The following TUSC3 variants were observed in gnomAD, a reference collection of about 807,000 sequenced individuals.
The protein encoded by TUSC3 is tumor suppressor candidate 3, also known as dolichyl-diphosphooligosaccharide--protein glycosyltransferase subunit TUSC3.
Under a neutral mutation model 44.8 loss-of-function variants are expected in TUSC3, and 45 were observed. The ratio of observed to expected loss-of-function variants is 1.00; its 90% CI spans 0.79 to 1.29. The LOEUF is 1.29. Among genes scored for constraint, TUSC3 ranks in the 50% most tolerant of loss-of-function variants. The pLI, the probability that TUSC3 is intolerant of heterozygous loss-of-function variation, is 0.00. For synonymous variants in TUSC3, 212 were observed against 152.9 expected (o/e 1.39, Z -2.85); for missense variants, 519 against 437.9 (o/e 1.19, Z -1.65).
At chr8:15,504,601 ATATATATATATATATATATATTT>A (rs1476880657) in intron 2 of TUSC3, among the ~76,000 whole-genome samples, 8 of 39,114 alleles carry the variant, frequency 2.0e-4, no homozygotes, top group African/African-American at 1.0e-3. Context: ...ATATATATAT[ATATATATATATATATATATATTT>A]TTTTTTTTTT....
At chr8:15,790,865 G>C in the TUSC3 span, among the ~76,000 whole-genome samples, 79,131 of 151,922 alleles carry the variant, frequency 0.52, 21,084 homozygotes, top group Admixed American at 0.64. Flanking sequence ...AACAACTGTG[G>C]GGTTCGTATC....
intron 2 of TUSC3, among the ~76,000 whole-genome samples, chr8:15,529,472 G>T (rs59762019): frequency 0.049 from 7,443 of 152,144 alleles, 273 homozygotes; most frequent in African/African-American, 0.1. Flanking sequence ...AAATTTCACT[G>T]AAGATACAGT....
rs1004319547 is a variant in TUSC3 at position 15,743,711 on chromosome 8, T to C, written c.937+99T>C. The C allele has an allele frequency of 5.5e-6, 7 of 1,269,466 alleles. No homozygotes were observed. The African/African-American group carries it at 8.9e-5, about 16-fold the overall frequency. 78.6% of individuals were successfully genotyped at this position (1,269,466 alleles called of 1,614,324 possible). On this transcript the variant is annotated intron_variant, in intron 8 of 10. Transcript: ENST00000503731. ...TAAAAGCCCTTTGTAAACAAACTTC[T>C]AAAGAAATGTTCTGGTTTGAAGAAG...
At position 15,764,865 on chromosome 8, in the gene TUSC3, T is replaced by C. The variant is rs1445821120; in HGVS notation, c.*709T>C. On this transcript the variant is annotated 3_prime_UTR_variant, in exon 11 of 11. Transcript: ENST00000503731. ...GCAACATACCACAACTAGGAGTTAT[T>C]TCTCAAACTTAAATGTCCTCTGGGA... 6.6e-6 allele frequency: 1 copy of C among 152,028 alleles called. No individual in the cohort carries two copies. Among genetic ancestry groups the C allele is most frequent in the Non-Finnish European group, 1.5e-5 (1 of 67,970 alleles). The allele number at this position is 152,028 out of a possible 1,614,324, so 9.4% of individuals were successfully genotyped here.
the TUSC3 span, among the ~76,000 whole-genome samples, chr8:15,785,150 A>G: frequency 1.3e-5 from 2 of 152,260 alleles, no homozygotes; most frequent in South Asian, 2.1e-4. Flanking sequence ...TGATGGGTAC[A>G]CTAAAATCTC....
chr8:15,551,753 G>C (rs565090889), intron 1 of TUSC3, among the ~76,000 whole-genome samples: 3 of 151,876 alleles, frequency 2.0e-5, no homozygotes, highest in Non-Finnish European at 4.4e-5. Flanking sequence ...ATAAGGGTAA[G>C]AAACAAAATA....
At chr8:15,482,493 G>C (rs1330903182) in intron 1 of TUSC3, among the ~76,000 whole-genome samples, 1 of 152,164 alleles carries the variant, frequency 6.6e-6, no homozygotes, top group Admixed American at 6.5e-5. Context: ...GGTCACTGTT[G>C]AGACCTGCTG....
At chr8:15,591,903 G>A (rs140357932) in intron 1 of TUSC3, among the ~76,000 whole-genome samples, 50 of 152,280 alleles carry the variant, frequency 3.3e-4, no homozygotes, top group African/African-American at 1.1e-3. Flanking sequence ...GAGGTGACAT[G>A]ATCTCTTTTA....
chr8:15,619,495 A>ACT (rs138029370), intron 1 of TUSC3, among the ~76,000 whole-genome samples: 26 of 146,944 alleles, frequency 1.8e-4, no homozygotes, highest in African/African-American at 5.0e-4. Context: ...TATTCCATAT[A>ACT]TTTTTTTTTT....
intron 2 of TUSC3, among the ~76,000 whole-genome samples, chr8:15,516,826 G>T (rs1481046160): frequency 6.6e-6 from 1 of 152,110 alleles, no homozygotes; most frequent in East Asian, 1.9e-4. Context: ...CCATTATAAA[G>T]ATTATATTTC....
At chr8:15,818,119 G>A in the TUSC3 span, among the ~76,000 whole-genome samples, 2 of 152,342 alleles carry the variant, frequency 1.3e-5, no homozygotes, top group East Asian at 3.9e-4. Flanking sequence ...TGAATCTGAA[G>A]TGGAAATACT....
At chr8:15,781,301 C>A in the TUSC3 span, among the ~76,000 whole-genome samples, 1 of 152,170 alleles carries the variant, frequency 6.6e-6, no homozygotes, top group East Asian at 1.9e-4. Context: ...CCAAATGCAT[C>A]CAATAGGTCT....
intron 2 of TUSC3, among the ~76,000 whole-genome samples, chr8:15,643,871 G>A (rs112698497): frequency 6.6e-6 from 1 of 152,174 alleles, no homozygotes; most frequent in African/African-American, 2.4e-5. Context: ...GAGTGTGCTC[G>A]CTCCAGATCT....
chr8:15,503,738 C>A (rs1234852061), intron 2 of TUSC3, among the ~76,000 whole-genome samples: 1 of 152,012 alleles, frequency 6.6e-6, no homozygotes, highest in African/African-American at 2.4e-5. Context: ...CACAATGGCT[C>A]ATGCCTGTAA....
At chr8:15,649,090 T>A (rs1326730726) in intron 2 of TUSC3, among the ~76,000 whole-genome samples, 1 of 152,192 alleles carries the variant, frequency 6.6e-6, no homozygotes, top group African/African-American at 2.4e-5. Flanking sequence ...TCTGACAGAA[T>A]TTTTATAAGT....
Position 15,738,980 on chromosome 8 carries a change from G to T in TUSC3, c.863-4558G>T, listed in dbSNP as rs535602884. Among the ~76,000 whole-genome samples the T allele has an allele frequency of 2.8e-4, 43 of 151,360 alleles. No homozygotes were observed. The South Asian group carries it at 7.9e-3, about 28-fold the overall frequency. ...CCTGAGCAGCTGGCACCACAGGCAC[G>T]CGCCACCATGCCTGGCTAATTTTTG... On this transcript the variant is annotated intron_variant, in intron 7 of 10. Transcript: ENST00000503731.
chr8:15,741,434 C>T (rs141489514), intron 7 of TUSC3, among the ~76,000 whole-genome samples: 14 of 152,242 alleles, frequency 9.2e-5, no homozygotes, highest in East Asian at 3.9e-4. Context: ...AGTAGCTGGG[C>T]GCGGTGGCTC....
At chr8:15,655,090 T>G (rs575325853) in intron 3 of TUSC3, among the ~76,000 whole-genome samples, 1 of 152,064 alleles carries the variant, frequency 6.6e-6, no homozygotes, top group Non-Finnish European at 1.5e-5. Flanking sequence ...CAGGAGAGGG[T>G]CCCTCACCCC....
At chr8:15,759,334 G>T (rs548124052) in intron 10 of TUSC3, among the ~76,000 whole-genome samples, 1 of 152,138 alleles carries the variant, frequency 6.6e-6, no homozygotes, top group African/African-American at 2.4e-5. Context: ...TTTAAGAACA[G>T]GAAGAGCAGT....
Sources: gnomAD v4.1 joint callset for allele counts (sites outside exome capture counted in the v4.1 genomes callset) on GRCh38, gnomAD v4.1.1 for gene constraint, MANE v1.5 for transcripts, NCBI Gene and HGNC (gene_info 2026-07-23, HGNC 2026-07-21) for gene names.